DGKH: variants seen among roughly 807,000 people sequenced by gnomAD.
DGKH encodes diacylglycerol kinase eta.
Under a neutral mutation model 159.3 loss-of-function variants are expected in DGKH, and 90 were observed. That is an observed-to-expected ratio of 0.57 (90% confidence interval 0.48 to 0.67). The LOEUF is 0.67. Among genes scored for constraint, DGKH ranks in the 30% least tolerant of loss-of-function variants. The pLI, the probability that DGKH is intolerant of heterozygous loss-of-function variation, is 0.00. For missense variants in DGKH, 1,181 were observed against 1,506.1 expected (o/e 0.78, Z 3.57); for synonymous variants, 536 against 553.8 (o/e 0.97, Z 0.45).
chr13:42,235,806 A>T lies in DGKH; in HGVS notation c.*6618A>T, dbSNP rs1214337203. ...GCTGGGAAAATATAATTATTTTCAA[A>T]TCTTCAAGTAAGTTGTATCGAATGT... On this transcript the variant is annotated 3_prime_UTR_variant, in exon 30 of 30. Transcript: ENST00000337343. The T allele has an allele frequency of 6.6e-6, 1 of 152,208 alleles. No homozygotes were observed. The highest frequency in any genetic ancestry group is 1.5e-5 in the Non-Finnish European group (1 of 68,018). The allele number at this position is 152,208 out of a possible 1,614,324, so 9.4% of individuals were successfully genotyped here.
In DGKH at chr13:42,197,267, A is replaced by AAAGAAAG. The variant is rs1555274108; in HGVS notation, c.2168-1209_2168-1208insGAAAGAA. 1.5e-5 allele frequency among the ~76,000 whole-genome samples: 2 copies of AAAGAAAG among 135,402 alleles called. 1 individual carries two copies. Among genetic ancestry groups the AAAGAAAG allele is most frequent in the East Asian group, 4.7e-4 (2 of 4,286 alleles). 88.8% of individuals were successfully genotyped at this position (135,402 alleles called of 152,430 possible). A position where few individuals can be genotyped will look rare whatever the true frequency, so the allele number is the denominator to read the frequency against. On this transcript the variant is annotated intron_variant, in intron 17 of 29. Transcript: ENST00000337343. Reference sequence around the variant, plus strand: ...TCTATCTCAACAAAAAAAAAAAAAAAAAAGAAAGAAAATATTAACACTTCC... The same window carrying AAAGAAAG: ...TCTATCTCAACAAAAAAAAAAAAAAAAAGAAAGAAAGAAAGAAAATATTAACACTTCC...
chr13:42,057,226 AG>A (rs2137657182), intron 1 of DGKH, among the ~76,000 whole-genome samples: 1 of 152,360 alleles, frequency 6.6e-6, no homozygotes, highest in East Asian at 1.9e-4. Context: ...AGTGTTAAAA[AG>A]AATCATGTGA....
intron 12 of DGKH, 131 bp from the exon 13 acceptor site, chr13:42,178,004 T>G: frequency 2.1e-6 from 1 of 470,280 alleles, no homozygotes; most frequent in Non-Finnish European, 3.6e-6. Flanking sequence ...TGATGACTCT[T>G]TCATATATTT....
chr13:42,210,884 T>C, intron 24 of DGKH, 119 bp downstream of exon 24: 2 of 805,274 alleles, frequency 2.5e-6, no homozygotes, highest in South Asian at 1.9e-5. Flanking sequence ...ATTACTCTTC[T>C]TCACACAGCA....
Position 42,162,237 on chromosome 13 carries a change from GCAGTGGCTCATGC to G in DGKH, c.855+2103_855+2115del, listed in dbSNP as rs1220173746. On this transcript the variant is annotated intron_variant, in intron 7 of 29. Coordinates refer to ENST00000337343, the MANE Select transcript of DGKH (RefSeq NM_178009.5). ...TTAAAACATGAGTTTCTGGCCTGGT[GCAGTGGCTCATGC>G]CTGTAATCCCAGCACCTTGGGAGGC... Among the ~76,000 whole-genome samples, 6 of 152,292 alleles carry G rather than the reference GCAGTGGCTCATGC, an allele frequency of 3.9e-5. No individual in the cohort carries two copies. The South Asian group carries it at 8.3e-4, about 21-fold the overall frequency.
intron 1 of DGKH, among the ~76,000 whole-genome samples, chr13:42,089,838 A>AAAT (rs1954380821): frequency 6.6e-6 from 1 of 152,204 alleles, no homozygotes; most frequent in African/African-American, 2.4e-5. Context: ...GGGGATTAGG[A>AAAT]CATGGTCTCT....
rs894056674 is a variant in DGKH, at chr13:42,239,347, A to T, written c.*10159A>T. 3.3e-5 allele frequency: 5 copies of T among 152,632 alleles called. No individual in the cohort carries two copies. The highest frequency in any genetic ancestry group is 9.6e-5 in the African/African-American group (4 of 41,466). 9.5% of individuals were successfully genotyped at this position (152,632 alleles called of 1,614,324 possible). On this transcript the variant is annotated 3_prime_UTR_variant, in exon 30 of 30. Coordinates refer to ENST00000337343, the MANE Select transcript of DGKH (RefSeq NM_178009.5). ...GCTTTTGAAAGATGACACAGTTTTC[A>T]TAGCAACAGTATGCAAATTAGGTTT...
rs549332333 is a variant in DGKH, at chr13:42,117,929, C to T, written c.193-9534C>T. Among the ~76,000 whole-genome samples the T allele has an allele frequency of 8.5e-5, 13 of 152,168 alleles. No individual in the cohort carries two copies. In the South Asian group the frequency reaches 1.9e-3, roughly 22 times the overall value. ...TGCTGAACCCTGGAAACCATAAAGG[C>T]ATTTCCGGCCAGGCGTGGTGGCTCA... is the stretch of plus-strand genomic sequence containing the variant. On this transcript the variant is annotated intron_variant, in intron 1 of 29. Transcript: ENST00000337343.
At chr13:42,134,310 T>A (rs1485586539) in intron 3 of DGKH, among the ~76,000 whole-genome samples, 4 of 152,200 alleles carry the variant, frequency 2.6e-5, no homozygotes, top group African/African-American at 9.6e-5. Context: ...AAGACAGTCG[T>A]GTCAAAGGAT....
rs950653461 is a variant in DGKH, at chr13:42,238,068, T to A, written c.*8880T>A. The stretch of plus-strand genomic sequence containing the variant: ...TGGCTCATTGTGTCCTTTCTACAAG[T>A]TATGTTTTGGTGACTTGGTGTCCCC... On this transcript the variant is annotated 3_prime_UTR_variant, in exon 30 of 30. Coordinates refer to ENST00000337343, the MANE Select transcript of DGKH (RefSeq NM_178009.5). 1 of 152,212 alleles carries A rather than the reference T, an allele frequency of 6.6e-6. No individual in the cohort carries two copies. Among genetic ancestry groups the A allele is most frequent in the African/African-American group, 2.4e-5 (1 of 41,464 alleles). The allele number at this position is 152,212 out of a possible 1,614,324, so 9.4% of individuals were successfully genotyped here. A position where few individuals can be genotyped will look rare whatever the true frequency, so the allele number is the denominator to read the frequency against.
chr13:42,164,315 T>C (rs1314636753), intron 7 of DGKH, among the ~76,000 whole-genome samples: 1 of 152,218 alleles, frequency 6.6e-6, no homozygotes, highest in Non-Finnish European at 1.5e-5. Context: ...TTTTGCTCCA[T>C]GGTTCTTATA....
intron 26 of DGKH, among the ~76,000 whole-genome samples, chr13:42,217,904 T>C (rs1957843841): frequency 6.6e-6 from 1 of 152,080 alleles, no homozygotes; most frequent in African/African-American, 2.4e-5. Context: ...CCTGGTGGCA[T>C]GCGCCTGTAA....
chr13:42,106,067 G>C (rs1177256176), intron 1 of DGKH, among the ~76,000 whole-genome samples: 1 of 151,888 alleles, frequency 6.6e-6, no homozygotes, highest in Non-Finnish European at 1.5e-5. Flanking sequence ...GAGTGCAGTG[G>C]CACAATCTTG....
chr13:42,225,190 TG>T, intron 29 of DGKH: 1 of 1,236,660 alleles, frequency 8.1e-7, no homozygotes, highest in Non-Finnish European at 1.1e-6. Flanking sequence ...CCTACAATGC[TG>T]GGATTACTGG....
At chr13:42,192,645 T>C (rs1957110444) in intron 16 of DGKH, among the ~76,000 whole-genome samples, 1 of 150,248 alleles carries the variant, frequency 6.7e-6, no homozygotes. Flanking sequence ...TCTTCTTCCT[T>C]CTTTCTTCTT....
intron 16 of DGKH, 63 bp from the exon 17 acceptor site, chr13:42,194,822 G>T: frequency 2.0e-6 from 3 of 1,521,928 alleles, no homozygotes; most frequent in East Asian, 2.3e-5. Flanking sequence ...TAAATTTATA[G>T]GAACGTGCTT....
At chr13:42,041,302 T>C (rs188524643) in intron 1 of DGKH, among the ~76,000 whole-genome samples, 41 of 152,216 alleles carry the variant, frequency 2.7e-4, no homozygotes, top group East Asian at 1.2e-3. Context: ...CGGTTTTCCC[T>C]GTCGAGACCG....
At chr13:42,197,230 A>G (rs1181596829) in intron 17 of DGKH, among the ~76,000 whole-genome samples, 2 of 148,044 alleles carry the variant, frequency 1.4e-5, no homozygotes, top group African/African-American at 2.5e-5. Flanking sequence ...AGCCTGGGCA[A>G]CAGAGTGAGA....
intron 3 of DGKH, among the ~76,000 whole-genome samples, chr13:42,141,740 TG>T (rs1441138953): frequency 6.6e-6 from 1 of 152,246 alleles, no homozygotes; most frequent in East Asian, 1.9e-4. Context: ...TACTTTTTGA[TG>T]GGGTGTTTGT....
Sources: allele counts gnomAD v4.1 joint callset (sites outside exome capture counted in the v4.1 genomes callset), GRCh38; gene constraint gnomAD v4.1.1; transcripts MANE v1.5; gene names NCBI Gene and HGNC (gene_info 2026-07-23, HGNC 2026-07-21).